Variants in ARID1B observed in about 807,000 individuals in gnomAD.
ARID1B encodes AT-rich interaction domain 1B.
ARID1B carries 30 observed loss-of-function variants against 212.3 expected under a neutral mutation model. The ratio of observed to expected loss-of-function variants is 0.14; its 90% CI spans 0.11 to 0.19. The LOEUF is 0.19. Ranked by LOEUF, ARID1B falls within the 10% of genes least tolerant of loss-of-function variation. The pLI, the probability that ARID1B is intolerant of heterozygous loss-of-function variation, is 1.00. For missense variants in ARID1B, 2,891 were observed against 3,204.0 expected (o/e 0.90, Z 2.36); for synonymous variants, 1,402 against 1,301.7 (o/e 1.08, Z -1.66).
Position 157,190,215 on chromosome 6 carries a change from G to A in ARID1B, c.4231+5G>A, listed in dbSNP as rs781645926. On this transcript the variant is annotated splice_donor_5th_base_variant and intron_variant, in intron 15 of 19. Coordinates refer to ENST00000636930, the MANE Select transcript of ARID1B (RefSeq NM_001374828.1). This position sits in a 1 kb window ranked among gnomAD's most constrained non-coding sequence, Gnocchi z 4.6. ...CCTTTGGGGGAATGAGAAAAGGTAC[G>A]TGTAGAGGGGCCTCCACCCGGCCAT... The A allele has an allele frequency of 5.6e-6, 9 of 1,603,792 alleles. No individual in the cohort carries two copies. The highest frequency in any genetic ancestry group is 2.7e-5 in the African/African-American group (2 of 74,428).
chr6:156,909,712 T>C (rs747159907), intron 3 of ARID1B, among the ~76,000 whole-genome samples: 7 of 152,240 alleles, frequency 4.6e-5, no homozygotes, highest in Non-Finnish European at 1.0e-4. Flanking sequence ...TTTCTCTTGA[T>C]GTGGCTTAAC....
chr6:157,050,476 G>A (rs1046468247), intron 4 of ARID1B, among the ~76,000 whole-genome samples: 2 of 152,098 alleles, frequency 1.3e-5, no homozygotes, highest in Non-Finnish European at 2.9e-5. Flanking sequence ...CCCAGGAGGC[G>A]GGGGTTGCAG....
At chr6:157,043,560 A>G (rs1269516688) in intron 4 of ARID1B, among the ~76,000 whole-genome samples, 2 of 152,192 alleles carry the variant, frequency 1.3e-5, no homozygotes, top group African/African-American at 2.4e-5. Flanking sequence ...TTATATCCAT[A>G]TTGACTTTCA....
At chr6:156,811,253 C>A (rs1348811614) in intron 1 of ARID1B, among the ~76,000 whole-genome samples, 1 of 152,162 alleles carries the variant, frequency 6.6e-6, no homozygotes, top group Non-Finnish European at 1.5e-5. Context: ...TCGGCAAAGT[C>A]TCTTCCTTTG....
chr6:157,091,107 G>A (rs137927075), intron 5 of ARID1B, among the ~76,000 whole-genome samples: 100 of 152,290 alleles, frequency 6.6e-4, no homozygotes, highest in African/African-American at 2.4e-3. Context: ...GAAATCGCTT[G>A]GTCAGAGCTC....
intron 2 of ARID1B, among the ~76,000 whole-genome samples, chr6:156,862,513 T>C (rs941076277): frequency 1.3e-5 from 2 of 152,032 alleles, no homozygotes; most frequent in African/African-American, 4.8e-5. Flanking sequence ...AGAAAAGAGC[T>C]CTGTCATAAA....
At chr6:156,982,556 C>T (rs187455614) in intron 4 of ARID1B, among the ~76,000 whole-genome samples, 15 of 151,538 alleles carry the variant, frequency 9.9e-5, no homozygotes, top group Non-Finnish European at 1.8e-4. Flanking sequence ...TATTCTGGTG[C>T]TCCTGGGTGT....
At chr6:156,860,542 T>C (rs1307315847) in intron 2 of ARID1B, among the ~76,000 whole-genome samples, 1 of 152,222 alleles carries the variant, frequency 6.6e-6, no homozygotes, top group Non-Finnish European at 1.5e-5. Context: ...TACTATACTC[T>C]AGAACTGTAA....
chr6:157,025,747 A>G (rs149481289), intron 4 of ARID1B, among the ~76,000 whole-genome samples: 129 of 152,258 alleles, frequency 8.5e-4, no homozygotes, highest in African/African-American at 2.9e-3. Flanking sequence ...GTTTTTGTCA[A>G]CTATGATGAA....
In ARID1B at chr6:156,922,895, T is replaced by C. The variant is rs142229686; in HGVS notation, c.2137-12571T>C. ...AGTGTGGGGTAGGAAGAACTGATGTTGCTAGTTTCTGAAGGCCTCCTGTGG... is the reference window on the plus strand; with the variant it reads ...AGTGTGGGGTAGGAAGAACTGATGTCGCTAGTTTCTGAAGGCCTCCTGTGG... On this transcript the variant is annotated intron_variant, in intron 3 of 19. Coordinates refer to ENST00000636930, the MANE Select transcript of ARID1B (RefSeq NM_001374828.1). Among the ~76,000 whole-genome samples the C allele has an allele frequency of 4.6e-5, 7 of 152,334 alleles. No homozygotes were observed. The East Asian group carries it at 1.3e-3, about 29-fold the overall frequency.
At position 156,779,332 on chromosome 6, in the gene ARID1B, A is replaced by T; in HGVS notation, c.1652A>T (p.Gln551Leu). ...AAAGAAAGGQ[Q>L]AAAGMGLGKD... ...GCGGGGGCGGCGGCGGGCGGCCAGC[A>T]GGCGGCCGCGGGCATGGGCTTGGGC... Residue 551 changes from glutamine (Q) to leucine (L), a missense_variant, in exon 1 of 20, where the codon CAG becomes CTG. By Grantham distance (113) the Gln-to-Leu change is moderately radical. This residue lies in a region of ARID1B where 1,643 missense variants were observed against 1,544.0 expected (regional missense o/e 1.06). Transcript: ENST00000636930. 1.7e-6 allele frequency: 2 copies of T among 1,143,462 alleles called. No homozygotes were observed. The highest frequency in any genetic ancestry group is 2.1e-6 in the Non-Finnish European group (2 of 933,500). The allele number at this position is 1,143,462 out of a possible 1,614,324, so 70.8% of individuals were successfully genotyped here.
At chr6:157,133,244 G>A in intron 7 of ARID1B, 37 bp downstream of exon 7, 1 of 1,540,480 alleles carries the variant, frequency 6.5e-7, no homozygotes. Context: ...ATGGCAGCAA[G>A]TTGTAGAAAT....
At chr6:156,998,526 G>A (rs558435868) in intron 4 of ARID1B, among the ~76,000 whole-genome samples, 248 of 152,268 alleles carry the variant, frequency 1.6e-3, no homozygotes, top group African/African-American at 5.8e-3. Flanking sequence ...CCTGGCTCTT[G>A]TTCTCTTTTG....
chr6:157,036,308 T>G (rs1040577282), intron 4 of ARID1B: 1 of 152,434 alleles, frequency 6.6e-6, no homozygotes, highest in Non-Finnish European at 1.5e-5. Flanking sequence ...TCACAACTTG[T>G]TGCTTAGACA....
At chr6:157,135,873 G>A (rs1279149005) in intron 7 of ARID1B, among the ~76,000 whole-genome samples, 1 of 151,992 alleles carries the variant, frequency 6.6e-6, no homozygotes, top group Non-Finnish European at 1.5e-5. Flanking sequence ...TCATATCTCT[G>A]GAATGATTCA....
intron 4 of ARID1B, among the ~76,000 whole-genome samples, chr6:157,040,498 A>C (rs980739953): frequency 3.9e-5 from 6 of 152,084 alleles, no homozygotes; most frequent in African/African-American, 1.4e-4. Context: ...TTTTCCTACT[A>C]ATTCTTTATA....
intron 2 of ARID1B, among the ~76,000 whole-genome samples, chr6:156,832,353 A>T (rs1783200186): frequency 6.6e-6 from 1 of 152,194 alleles, no homozygotes; most frequent in Non-Finnish European, 1.5e-5. Context: ...TTGGCTAAGC[A>T]TTGTTGTAGT....
At chr6:157,141,305 T>A (rs1789331826) in intron 7 of ARID1B, 1 of 152,280 alleles carries the variant, frequency 6.6e-6, no homozygotes, top group Non-Finnish European at 1.5e-5. Context: ...AAGTGAAACA[T>A]TGAAGTGACA....
At chr6:157,039,594 T>G (rs1781588842) in intron 4 of ARID1B, among the ~76,000 whole-genome samples, 1 of 150,252 alleles carries the variant, frequency 6.7e-6, no homozygotes, top group Non-Finnish European at 1.5e-5. Context: ...GCAAGTATAT[T>G]TTTGAATTCC....
Sources: allele counts gnomAD v4.1 joint callset (sites outside exome capture counted in the v4.1 genomes callset), GRCh38; gene constraint gnomAD v4.1.1; regional missense constraint gnomAD v4.1.1; non-coding constraint Gnocchi (gnomAD v3.1); transcripts MANE v1.5; gene names NCBI Gene and HGNC (gene_info 2026-07-23, HGNC 2026-07-21).